Variants in DGKB observed in about 807,000 individuals in gnomAD.
DGKB encodes the protein 90 kDa diacylglycerol kinase.
Under a neutral mutation model 114.3 loss-of-function variants are expected in DGKB, and 67 were observed. That is an observed-to-expected ratio of 0.59 (90% CI 0.48 to 0.72). DGKB has a LOEUF of 0.72. DGKB is among the 30% of genes least tolerant of loss of function. The probability of loss-of-function intolerance (pLI) is 0.00; values close to 1 mark genes in which losing one functional copy is unlikely to be tolerated. For missense variants in DGKB, 907 were observed against 975.2 expected (o/e 0.93, Z 0.93); for synonymous variants, 398 against 323.1 (o/e 1.23, Z -2.49).
intron 21 of DGKB, among the ~76,000 whole-genome samples, chr7:14,411,024 G>A (rs1563126126): frequency 6.6e-6 from 1 of 152,114 alleles, no homozygotes; most frequent in Non-Finnish European, 1.5e-5. Flanking sequence ...CCGGGTTAGT[G>A]ATATGCAATA....
chr7:14,566,074 TATATA>T (rs1229913407), intron 20 of DGKB, among the ~76,000 whole-genome samples: 1 of 152,134 alleles, frequency 6.6e-6, no homozygotes, highest in Non-Finnish European at 1.5e-5. Context: ...CCATTATACT[TATATA>T]ATTTAATCAC....
At chr7:14,866,722 T>C (rs1401354555) in intron 1 of DGKB, among the ~76,000 whole-genome samples, 2 of 152,108 alleles carry the variant, frequency 1.3e-5, no homozygotes, top group African/African-American at 4.8e-5. Context: ...TGGAAATAAT[T>C]TTTCATATCC....
chr7:14,916,133 T>C (rs571541322), intron 1 of DGKB, among the ~76,000 whole-genome samples: 1 of 151,836 alleles, frequency 6.6e-6, no homozygotes, highest in Non-Finnish European at 1.5e-5. Context: ...TACTGAAAAA[T>C]GAACACAGAT....
chr7:14,409,390 A>C (rs1004042666), intron 21 of DGKB, among the ~76,000 whole-genome samples: 10 of 152,134 alleles, frequency 6.6e-5, no homozygotes, highest in African/African-American at 9.7e-5. Context: ...GTTCCTGAGA[A>C]GCAGAAAAAT....
chr7:14,953,720 A>G (rs1786338199), intron 1 of DGKB, among the ~76,000 whole-genome samples: 1 of 152,118 alleles, frequency 6.6e-6, no homozygotes, highest in African/African-American at 2.4e-5. Flanking sequence ...ATGAGAACAT[A>G]TGCTCATGCA....
At chr7:14,153,084 T>C (rs975726099) in intron 25 of DGKB, among the ~76,000 whole-genome samples, 1 of 152,188 alleles carries the variant, frequency 6.6e-6, no homozygotes, top group African/African-American at 2.4e-5. Context: ...TCCCCAGATA[T>C]TTGTGTTCTC....
intron 21 of DGKB, among the ~76,000 whole-genome samples, chr7:14,407,493 CTGATG>C (rs1443954547): frequency 1.3e-5 from 2 of 151,968 alleles, no homozygotes; most frequent in African/African-American, 4.8e-5. Context: ...AGAGGGCAGG[CTGATG>C]GAGAAGAAGC....
intron 16 of DGKB, 150 bp downstream of exon 16, chr7:14,613,190 A>T: frequency 1.8e-6 from 1 of 562,118 alleles, no homozygotes; most frequent in Non-Finnish European, 3.2e-6. Context: ...TAAAAACAAG[A>T]TCATATAAAC....
intron 22 of DGKB, among the ~76,000 whole-genome samples, chr7:14,339,169 C>T (rs1811188152): frequency 6.6e-6 from 1 of 150,930 alleles, no homozygotes; most frequent in Non-Finnish European, 1.5e-5. Flanking sequence ...GGTCTCACAC[C>T]TTTGGGGCAG....
chr7:14,629,391 GA>G (rs1377451438), intron 14 of DGKB, among the ~76,000 whole-genome samples: 1 of 151,898 alleles, frequency 6.6e-6, no homozygotes, highest in Non-Finnish European at 1.5e-5. Flanking sequence ...ATTTAACGAA[GA>G]GGTCTACACT....
chr7:14,415,854 C>T (rs1284443460), intron 21 of DGKB, among the ~76,000 whole-genome samples: 2 of 152,130 alleles, frequency 1.3e-5, no homozygotes. Context: ...ACACTGACTT[C>T]CACAATGGTT....
intron 13 of DGKB, among the ~76,000 whole-genome samples, chr7:14,662,722 G>T (rs948007733): frequency 2.0e-5 from 3 of 151,398 alleles, no homozygotes; most frequent in African/African-American, 4.8e-5. Flanking sequence ...ATGCCACATG[G>T]TATATTCAGG....
chr7:14,238,833 G>GA (rs1381811010), intron 23 of DGKB, among the ~76,000 whole-genome samples: 1 of 151,840 alleles, frequency 6.6e-6, no homozygotes, highest in Non-Finnish European at 1.5e-5. Context: ...GAAATATCAT[G>GA]AATACAAACT....
At chr7:14,403,851 C>A (rs557422035) in intron 21 of DGKB, among the ~76,000 whole-genome samples, 2 of 151,994 alleles carry the variant, frequency 1.3e-5, no homozygotes, top group South Asian at 2.1e-4. Flanking sequence ...AAAATCAGAA[C>A]CTGTGATACT....
At chr7:14,902,921 A>G (rs1291703485), upstream of DGKB, 1 of 152,104 alleles carries the variant, frequency 6.6e-6, no homozygotes, top group Non-Finnish European at 1.5e-5. Context: ...AAAACAGCGG[A>G]GGCTGAAAGA....
chr7:14,829,678 T>C (rs1055570818), intron 2 of DGKB, among the ~76,000 whole-genome samples: 7 of 152,136 alleles, frequency 4.6e-5, no homozygotes, highest in Non-Finnish European at 1.0e-4. Flanking sequence ...CTGAACTCCA[T>C]GCTTGTTTGA....
intron 8 of DGKB, 98 bp from the exon 9 acceptor site, chr7:14,694,292 G>C: frequency 9.3e-7 from 1 of 1,080,876 alleles, no homozygotes; most frequent in Non-Finnish European, 1.3e-6. Context: ...TAAGTGGAGA[G>C]TTGGGATAAC....
At chr7:14,149,318 TGTTAAG>T in intron 25 of DGKB, 80 bp from the exon 26 acceptor site, 1 of 997,798 alleles carries the variant, frequency 1.0e-6, no homozygotes. Context: ...TGAGACTCTC[TGTTAAG>T]GTTAATAATA....
chr7:14,493,283 T>C (rs916175153), intron 20 of DGKB, among the ~76,000 whole-genome samples: 14 of 152,094 alleles, frequency 9.2e-5, no homozygotes, highest in Non-Finnish European at 1.8e-4. Context: ...AGTAGATGCC[T>C]GAAACTGCAG....
Sources: gnomAD v4.1 joint callset for allele counts (sites outside exome capture counted in the v4.1 genomes callset) on GRCh38, gnomAD v4.1.1 for gene constraint, MANE v1.5 for transcripts, NCBI Gene and HGNC (gene_info 2026-07-23, HGNC 2026-07-21) for gene names.